RSF1: variants seen among roughly 807,000 people sequenced by gnomAD.
RSF1 encodes the protein remodeling and spacing factor 1.
Under a neutral mutation model 145.2 loss-of-function variants are expected in RSF1, and 13 were observed. The ratio of observed to expected loss-of-function variants is 0.09; its 90% CI spans 0.06 to 0.14. The LOEUF (loss-of-function observed/expected upper bound fraction) is 0.14, where lower values mean the gene tolerates loss of function less well. Ranked by LOEUF, RSF1 falls within the 10% of genes least tolerant of loss-of-function variation. The pLI is 1.00. For missense variants in RSF1, 1,517 were observed against 1,718.2 expected, an observed-to-expected ratio of 0.88 and a Z score of 2.07; for synonymous variants, 577 against 592.6, an observed-to-expected ratio of 0.97 and a Z score of 0.38.
At chr11:77,830,858 T>C in the RSF1 span, among the ~76,000 whole-genome samples, 1 of 152,018 alleles carries the variant, frequency 6.6e-6, no homozygotes, top group Non-Finnish European at 1.5e-5. Flanking sequence ...TAGCACTTTA[T>C]GGTTGGGCAC....
chr11:77,753,345 C>A (rs1016774876), intron 2 of RSF1, among the ~76,000 whole-genome samples: 1 of 152,158 alleles, frequency 6.6e-6, no homozygotes, highest in African/African-American at 2.4e-5. Context: ...CTTTAATCTG[C>A]CCTTAATTAT....
rs368967298 is a variant in RSF1, at chr11:77,725,618, T to G, written c.660A>C (p.Gln220His). 2 of 1,612,116 alleles carry G rather than the reference T, an allele frequency of 1.2e-6. No homozygotes were observed. Among genetic ancestry groups the G allele is most frequent in the Admixed American group, 3.3e-5 (2 of 59,740 alleles). Residue 220 changes from glutamine to histidine, a missense_variant, in exon 5 of 16, where the codon CAA (glutamine) becomes CAC (histidine). By Grantham distance (24) the Gln-to-His change is conservative. Around this residue, in one of 12 missense-constraint regions of RSF1, gnomAD observed 207 missense variants for 191.4 expected, o/e 1.08. Coordinates refer to ENST00000308488, the MANE Select transcript of RSF1 (RefSeq NM_016578.4). ...TGGGACTTTCCCGAGAAGAGTTGTC[T>G]TGTTGGCTAGAGTTTTTCAATAGTA... ...DPVLLKNSSQ[Q>H]DNSSRESPSL... is the part of the protein sequence containing the mutation.
intron 1 of RSF1, among the ~76,000 whole-genome samples, chr11:77,791,780 CA>C (rs1948519871): frequency 6.6e-6 from 1 of 152,156 alleles, no homozygotes; most frequent in South Asian, 2.1e-4. Flanking sequence ...CGTCTGAGAC[CA>C]CCTCAGCCTG....
At chr11:77,689,596 T>C (rs1960097083) in intron 9 of RSF1, among the ~76,000 whole-genome samples, 1 of 152,234 alleles carries the variant, frequency 6.6e-6, no homozygotes, top group Admixed American at 6.5e-5. Context: ...ATCTCCACTT[T>C]TCCATTTTAT....
At chr11:77,706,789 T>C (rs1960562511) in intron 5 of RSF1, among the ~76,000 whole-genome samples, 1 of 152,112 alleles carries the variant, frequency 6.6e-6, no homozygotes, top group Non-Finnish European at 1.5e-5. Context: ...AAACATAGTA[T>C]CTGATATGTA....
In RSF1 at chr11:77,787,966, TAAAAATACAA is replaced by T. The variant is rs1346021211; in HGVS notation, c.188-23287_188-23278del. Among the ~76,000 whole-genome samples the T allele has an allele frequency of 3.6e-3, 534 of 150,222 alleles. 12 individuals are homozygous for T. Among genetic ancestry groups the T allele is most frequent in the Non-Finnish European group, 8.4e-4 (57 of 67,640 alleles). ...CAACACAGTGAAACCCCGTCTCTAC[TAAAAATACAA>T]AAAAATACAAAAAATATTTGTCAGG... On this transcript the variant is annotated intron_variant, in intron 1 of 15. Transcript: ENST00000308488.
At chr11:77,719,120 G>A (rs1420962586) in intron 5 of RSF1, among the ~76,000 whole-genome samples, 1 of 152,104 alleles carries the variant, frequency 6.6e-6, no homozygotes, top group Non-Finnish European at 1.5e-5. Flanking sequence ...GGTAGCATGT[G>A]CCTGTAGTCC....
At chr11:77,712,818 AATCT>A (rs1316072782) in intron 5 of RSF1, among the ~76,000 whole-genome samples, 3 of 152,174 alleles carry the variant, frequency 2.0e-5, no homozygotes, top group African/African-American at 7.2e-5. Context: ...TATGGATTAA[AATCT>A]ATCTTTATAT....
In RSF1 at chr11:77,704,753, G is replaced by GTTT. The variant is rs72141127; in HGVS notation, c.734-2261_734-2259dup. Among the ~76,000 whole-genome samples the GTTT allele has an allele frequency of 4.9e-4, 66 of 134,522 alleles. 4 individuals carry two copies. The highest frequency in any genetic ancestry group is 1.4e-3 in the African/African-American group (50 of 36,434). 88.3% of individuals were successfully genotyped at this position (134,522 alleles called of 152,430 possible). ...TTTGGTTTTTTGTGTGTTTGCCTTG[G>GTTT]TTTTTTTTTTTTTTTTGAGACGAAG... On this transcript the variant is annotated intron_variant, in intron 5 of 15. Transcript: ENST00000308488.
At chr11:77,747,242 C>T (rs1948011466) in intron 2 of RSF1, 114 bp from the exon 3 acceptor site, 2 of 619,298 alleles carry the variant, frequency 3.2e-6, no homozygotes, top group Non-Finnish European at 5.8e-6. Flanking sequence ...AGAGGTTACA[C>T]TAAACAGTCC....
At chr11:77,784,888 G>A (rs1391220375) in intron 1 of RSF1, among the ~76,000 whole-genome samples, 7 of 152,126 alleles carry the variant, frequency 4.6e-5, no homozygotes, top group Admixed American at 6.6e-5. Flanking sequence ...TTGCATATAC[G>A]ACCTAGTCTT....
In RSF1 at chr11:77,667,298, A is replaced by G. The variant is rs779823301; in HGVS notation, c.3945T>C (p.His1315=). The G allele has an allele frequency of 5.6e-6, 9 of 1,614,036 alleles. No individual in the cohort carries two copies. The highest frequency in any genetic ancestry group is 7.6e-6 in the Non-Finnish European group (9 of 1,180,034). The change falls in exon 16 of 16, where the codon CAT becomes CAC. Residue 1315 remains histidine, a synonymous_variant. Coordinates refer to ENST00000308488, the MANE Select transcript of RSF1 (RefSeq NM_016578.4). ...TDEEESCDNA[H]GDANQPARDS... ...CACGGGCAGGCTGATTTGCATCTCC[A>G]TGAGCATTGTCACAACTCTCCTCCT...
At chr11:77,726,459 T>A (rs887623694) in intron 4 of RSF1, among the ~76,000 whole-genome samples, 1 of 152,164 alleles carries the variant, frequency 6.6e-6, no homozygotes, top group Non-Finnish European at 1.5e-5. Flanking sequence ...TATCCCTGTA[T>A]CTGGCAAATA....
chr11:77,820,901 G>C (rs1948868930), upstream of RSF1: 2 of 620,520 alleles, frequency 3.2e-6, no homozygotes, highest in East Asian at 5.9e-5. Context: ...CGAGAACCGA[G>C]TCAGACGGGA....
At chr11:77,774,598 AAATAAATAAATAAAT>A (rs1948321892) in intron 1 of RSF1, among the ~76,000 whole-genome samples, 1 of 148,422 alleles carries the variant, frequency 6.7e-6, no homozygotes, top group East Asian at 2.0e-4. Context: ...ATAAATAAAT[AAATAAATAAATAAAT>A]AAATAAAATA....
At chr11:77,709,218 A>C (rs1026986411) in intron 5 of RSF1, among the ~76,000 whole-genome samples, 11 of 152,006 alleles carry the variant, frequency 7.2e-5, no homozygotes, top group African/African-American at 2.7e-4. Flanking sequence ...TTTTCTAGCA[A>C]CTCAATCTAA....
the RSF1 span, among the ~76,000 whole-genome samples, chr11:77,838,909 C>T: frequency 1.3e-5 from 2 of 152,304 alleles, no homozygotes; most frequent in South Asian, 4.1e-4. Context: ...AGCCACCGCG[C>T]CCAGCAATAC....
chr11:77,683,680 T>C (rs764857734), intron 11 of RSF1, 30 bp downstream of exon 11: 19 of 1,455,976 alleles, frequency 1.3e-5, no homozygotes, highest in Non-Finnish European at 1.8e-5. Flanking sequence ...AAATCCTCTT[T>C]TGCTGTAGAC....
At chr11:77,763,338 T>G (rs1948194381) in intron 2 of RSF1, 1 of 112,732 alleles carries the variant, frequency 8.9e-6, no homozygotes, top group Admixed American at 9.0e-5. Context: ...TGAGACTGTC[T>G]TTAAAAAAAA....
Sources: allele counts gnomAD v4.1 joint callset (sites outside exome capture counted in the v4.1 genomes callset), GRCh38; gene constraint gnomAD v4.1.1; regional missense constraint gnomAD v4.1.1; transcripts MANE v1.5; gene names NCBI Gene and HGNC (gene_info 2026-07-23, HGNC 2026-07-21).